RCL1: variants seen among roughly 807,000 people sequenced by gnomAD.
RCL1 encodes the protein RNA terminal phosphate cyclase like 1, also known as RNA 3'-terminal phosphate cyclase-like protein.
RCL1 carries 24 observed loss-of-function variants against 42.4 expected under a neutral mutation model. The observed-to-expected ratio is 0.57, with a 90% CI of 0.41 to 0.80. RCL1 has a LOEUF of 0.80. Ranked by LOEUF, RCL1 falls within the 30% of genes least tolerant of loss-of-function variation. The pLI, the probability that RCL1 is intolerant of heterozygous loss-of-function variation, is 0.00. For synonymous variants in RCL1, 228 were observed against 177.3 expected, an observed-to-expected ratio of 1.29 and a Z score of -2.27; for missense variants, 578 against 467.9, an observed-to-expected ratio of 1.24 and a Z score of -2.17.
At chr9:4,846,323 C>T (rs936360831) in intron 7 of RCL1, among the ~76,000 whole-genome samples, 6 of 152,198 alleles carry the variant, frequency 3.9e-5, no homozygotes, top group Non-Finnish European at 5.9e-5. Context: ...CCCCTCTACT[C>T]GGCATTCACC....
intron 1 of RCL1, among the ~76,000 whole-genome samples, chr9:4,809,453 G>A (rs1469134048): frequency 6.6e-6 from 1 of 151,458 alleles, no homozygotes; most frequent in Non-Finnish European, 1.5e-5. Context: ...GGGGCTACAG[G>A]CATGTGCCAC....
At chr9:4,820,438 G>A (rs371854) in intron 1 of RCL1, among the ~76,000 whole-genome samples, 74,226 of 152,060 alleles carry the variant, frequency 0.49, 19,777 homozygotes, top group East Asian at 0.7. Context: ...GGTTTGCCGT[G>A]ATCAGGGATG....
At chr9:4,847,226 G>A (rs1157688001) in intron 7 of RCL1, among the ~76,000 whole-genome samples, 2 of 151,912 alleles carry the variant, frequency 1.3e-5, no homozygotes, top group African/African-American at 2.4e-5. Context: ...CATTGTGCCT[G>A]GACCAAATTT....
In RCL1 at chr9:4,804,661, C is replaced by T. The variant is rs940221406; in HGVS notation, c.136+11434C>T. ...GCCGGTGTTGCCCGGTCCAACGCCC[C>T]GATGCCCCTGGCCTGCATGGCTAGT... On this transcript the variant is annotated intron_variant, in intron 1 of 8. Transcript: ENST00000381750. 5.2e-5 allele frequency: 8 copies of T among 155,322 alleles called. No individual in the cohort carries two copies. In the East Asian group the frequency reaches 7.7e-4, roughly 15 times the overall value. 9.6% of individuals were successfully genotyped at this position (155,322 alleles called of 1,614,324 possible). A position where few individuals can be genotyped will look rare whatever the true frequency, so the allele number is the denominator to read the frequency against.
At chr9:4,822,144 C>G (rs1439705483) in intron 1 of RCL1, among the ~76,000 whole-genome samples, 1 of 152,204 alleles carries the variant, frequency 6.6e-6, no homozygotes, top group African/African-American at 2.4e-5. Flanking sequence ...TTGCAGAATC[C>G]ATTATGACAA....
chr9:4,821,879 C>T (rs950646153), intron 1 of RCL1, among the ~76,000 whole-genome samples: 3 of 152,240 alleles, frequency 2.0e-5, no homozygotes, highest in Admixed American at 1.3e-4. Flanking sequence ...GCCCTTGTGG[C>T]TTAATCACCT....
rs528867625 is a variant in RCL1 at position 4,820,435 on chromosome 9, C to T, written c.137-3113C>T. ...TGCTGCTTCTGAAGCACCGGTTTGC[C>T]GTGATCAGGGATGGTCCTGCCTGGA... On this transcript the variant is annotated intron_variant, in intron 1 of 8. Coordinates refer to ENST00000381750, the MANE Select transcript of RCL1 (RefSeq NM_005772.5). 3.2e-4 allele frequency among the ~76,000 whole-genome samples: 49 copies of T among 152,296 alleles called. 1 individual carries two copies. The highest frequency in any genetic ancestry group is 9.6e-4 in the African/African-American group (40 of 41,560).
Position 4,823,634 on chromosome 9 carries a change from G to T in RCL1, c.208+15G>T, listed in dbSNP as rs368971210. On this transcript the variant is annotated intron_variant, in intron 2 of 8. Coordinates refer to ENST00000381750, the MANE Select transcript of RCL1 (RefSeq NM_005772.5). ...AAACCAAACAGGTAAGCTCCTTTTA[G>T]ATTCCTAAAAGCACCTCCATGCACT... is the stretch of plus-strand genomic sequence containing the variant. The T allele has an allele frequency of 6.3e-7, 1 of 1,593,736 alleles. No individual in the cohort carries two copies. The highest frequency in any genetic ancestry group is 8.6e-7 in the Non-Finnish European group (1 of 1,167,192).
chr9:4,853,570 T>C (rs1185319242), intron 8 of RCL1, among the ~76,000 whole-genome samples: 2 of 152,014 alleles, frequency 1.3e-5, no homozygotes, highest in South Asian at 4.1e-4. Context: ...ATCCACATGC[T>C]TCGGCCTCCC....
chr9:4,858,575 C>T (rs1277181750), intron 8 of RCL1, among the ~76,000 whole-genome samples: 1 of 152,158 alleles, frequency 6.6e-6, no homozygotes, highest in East Asian at 1.9e-4. Context: ...CATTCTTTCA[C>T]CTGTGGATAT....
chr9:4,808,012 AAT>A (rs1433435603), intron 1 of RCL1, among the ~76,000 whole-genome samples: 2 of 152,024 alleles, frequency 1.3e-5, no homozygotes, highest in Admixed American at 1.3e-4. Flanking sequence ...ACTTAGAACA[AAT>A]ATATGTTCTT....
In RCL1 at chr9:4,845,361, T is replaced by G. The variant is rs542864048; in HGVS notation, c.867+680T>G. Among the ~76,000 whole-genome samples the G allele has an allele frequency of 1.4e-3, 214 of 152,352 alleles. 1 individual carries two copies. Among genetic ancestry groups the G allele is most frequent in the African/African-American group, 4.3e-3 (178 of 41,582 alleles). ...CCAGTTGTCATTTTGCTTCTGCAGG[T>G]CTGCTGGTGGGACACAGCTGAGACC... On this transcript the variant is annotated intron_variant, in intron 7 of 8. Transcript: ENST00000381750.
At chr9:4,846,741 C>T (rs916239585) in intron 7 of RCL1, among the ~76,000 whole-genome samples, 2 of 152,098 alleles carry the variant, frequency 1.3e-5, no homozygotes, top group African/African-American at 4.8e-5. Context: ...AGAAGCATCA[C>T]ATTATACAGT....
chr9:4,823,445 C>T, intron 1 of RCL1, 103 bp from the exon 2 acceptor site: 2 of 825,796 alleles, frequency 2.4e-6, no homozygotes, highest in East Asian at 2.6e-5. Flanking sequence ...AAGTAACCTG[C>T]CCTCTACCAC....
At chr9:4,794,403 C>T (rs1372491443) in intron 1 of RCL1, among the ~76,000 whole-genome samples, 1 of 152,210 alleles carries the variant, frequency 6.6e-6, no homozygotes, top group Non-Finnish European at 1.5e-5. Context: ...TGTCCTCTCT[C>T]TACTGCTCAA....
At chr9:4,859,161 C>T (rs1180626765) in intron 8 of RCL1, among the ~76,000 whole-genome samples, 2 of 152,234 alleles carry the variant, frequency 1.3e-5, no homozygotes, top group Admixed American at 6.5e-5. Context: ...TGTGCACCTG[C>T]ACTGCGGTTC....
At chr9:4,835,130 T>C (rs1000401324) in intron 5 of RCL1, among the ~76,000 whole-genome samples, 1 of 152,060 alleles carries the variant, frequency 6.6e-6, no homozygotes, top group Non-Finnish European at 1.5e-5. Context: ...TTCAGGTTGG[T>C]CTATGGCATT....
intron 1 of RCL1, among the ~76,000 whole-genome samples, chr9:4,798,674 A>T (rs1450564612): frequency 6.6e-6 from 1 of 152,206 alleles, no homozygotes; most frequent in Non-Finnish European, 1.5e-5. Flanking sequence ...ATCCTTTAAA[A>T]GGAGGATGTG....
At chr9:4,793,453 C>A (rs1488728626) in intron 1 of RCL1, among the ~76,000 whole-genome samples, 1 of 152,198 alleles carries the variant, frequency 6.6e-6, no homozygotes, top group Non-Finnish European at 1.5e-5. Flanking sequence ...TCGGCGTCTC[C>A]GGGGCGCTGG....
Sources: allele counts gnomAD v4.1 joint callset (sites outside exome capture counted in the v4.1 genomes callset), GRCh38; gene constraint gnomAD v4.1.1; transcripts MANE v1.5; gene names NCBI Gene and HGNC (gene_info 2026-07-23, HGNC 2026-07-21).